The following NRAP variants were observed in gnomAD, a reference collection of about 807,000 sequenced individuals.
NRAP encodes nebulin related anchoring protein.
NRAP carries 189 observed loss-of-function variants against 225.9 expected under a neutral mutation model. The observed-to-expected ratio is 0.84, with a 90% CI of 0.74 to 0.94. The LOEUF is 0.94. Among genes scored for constraint, NRAP ranks in the 40% least tolerant of loss-of-function variants. The pLI is 0.00. For synonymous variants in NRAP, 769 were observed against 790.7 expected (o/e 0.97, Z 0.46); for missense variants, 2,176 against 2,168.7 (o/e 1.00, Z -0.07).
chr10:113,622,045 C>A lies in NRAP; in HGVS notation c.2593G>T (p.Glu865Ter). The A allele has an allele frequency of 6.2e-7, 1 of 1,614,192 alleles. No homozygotes were observed. Among genetic ancestry groups the A allele is most frequent in the Non-Finnish European group, 8.5e-7 (1 of 1,180,032 alleles). Residue 865 changes from glutamate (E) to a stop codon, truncating the protein, a stop_gained, in exon 24 of 42, where the codon GAG becomes TAG. Transcript: ENST00000359988. LOFTEE classifies it high-confidence loss of function. ...ACGTGGCATTGGGATTTGGTGTCCTCGAATCCCTTCTTGTACTCCAGCTCA... is the reference window on the plus strand; with the variant it reads ...ACGTGGCATTGGGATTTGGTGTCCTAGAATCCCTTCTTGTACTCCAGCTCA... Reference protein sequence around the residue: ...QSELEYKKGFEDTKSQCHVSL... With the variant: ...QSELEYKKGF
rs780052678 is a variant in NRAP, at chr10:113,650,184, T to G, written c.784-43A>C. ...ACAAACTCGGTGAATTTGACTCCCA[T>G]GCACAGGAGCCAAAAGAGTAAAAGT... On this transcript the variant is annotated intron_variant, in intron 8 of 41. Transcript: ENST00000359988. 13 of 1,234,162 alleles carry G rather than the reference T, an allele frequency of 1.1e-5. No homozygotes were observed. In the South Asian group the frequency reaches 1.6e-4, roughly 15 times the overall value. The allele number at this position is 1,234,162 out of a possible 1,614,324, so 76.5% of individuals were successfully genotyped here.
chr10:113,649,798 G>A (rs58359219), intron 9 of NRAP, among the ~76,000 whole-genome samples: 4,226 of 152,176 alleles, frequency 0.028, 198 homozygotes, highest in African/African-American at 0.096. Flanking sequence ...CACCATATTG[G>A]TATAAGTCAT....
chr10:113,631,151 G>T (rs975830959), intron 18 of NRAP, among the ~76,000 whole-genome samples: 1 of 152,180 alleles, frequency 6.6e-6, no homozygotes, highest in Non-Finnish European at 1.5e-5. Flanking sequence ...TTTGGTCCAT[G>T]AGGGAGAAAC....
chr10:113,661,884 A>G (rs1179921234), intron 3 of NRAP, among the ~76,000 whole-genome samples: 1 of 152,230 alleles, frequency 6.6e-6, no homozygotes, highest in Non-Finnish European at 1.5e-5. Flanking sequence ...AAAGGTTTTA[A>G]TTTTGTGTAC....
Position 113,647,578 on chromosome 10 carries a change from G to C in NRAP, c.889-551C>G, listed in dbSNP as rs796192560. Among the ~76,000 whole-genome samples the C allele has an allele frequency of 1.5e-4, 5 of 33,768 alleles. 1 individual carries two copies. The highest frequency in any genetic ancestry group is 3.4e-4 in the Non-Finnish European group (4 of 11,776). 22.2% of individuals were successfully genotyped at this position (33,768 alleles called of 152,430 possible). On this transcript the variant is annotated intron_variant, in intron 9 of 41. Coordinates refer to ENST00000359988, the MANE Select transcript of NRAP (RefSeq NM_198060.4). ...CTCCCCCAGTGGTACTGCCTCCCCTGGTGGTACTTCCTCCCCTAGTGGTAC... is the reference window on the plus strand; with the variant it reads ...CTCCCCCAGTGGTACTGCCTCCCCTCGTGGTACTTCCTCCCCTAGTGGTAC...
Position 113,589,695 on chromosome 10 carries a change from C to T in NRAP, c.5059G>A (p.Ala1687Thr), listed in dbSNP as rs370742966. The change falls in exon 41 of 42, where the codon GCA (alanine) becomes ACA (threonine). Residue 1687 changes from alanine to threonine, a missense_variant. Coordinates refer to ENST00000359988, the MANE Select transcript of NRAP (RefSeq NM_198060.4). ...GCTCCCTGGAGACCCAGGCCCCTTGCGTTGGCCAGTTCCGCAGCCCGCCGA... is the reference window on the plus strand; with the variant it reads ...GCTCCCTGGAGACCCAGGCCCCTTGTGTTGGCCAGTTCCGCAGCCCGCCGA... ...MARRAAELANARGLGLQGAYR... is the reference protein window; with the variant it reads ...MARRAAELANTRGLGLQGAYR... 112 of 1,613,964 alleles carry T rather than the reference C, an allele frequency of 6.9e-5. No homozygotes were observed. The highest frequency in any genetic ancestry group is 1.6e-4 in the Middle Eastern group (1 of 6,078).
At chr10:113,662,972 A>G (rs1850779870) in intron 2 of NRAP, among the ~76,000 whole-genome samples, 1 of 152,212 alleles carries the variant, frequency 6.6e-6, no homozygotes, top group South Asian at 2.1e-4. Flanking sequence ...TATAACTGAA[A>G]GCCTAAATTT....
chr10:113,663,270 A>G (rs1850804713), intron 2 of NRAP, 82 bp downstream of exon 2: 3 of 824,336 alleles, frequency 3.6e-6, no homozygotes. Flanking sequence ...ACCCTGGGTT[A>G]TATGATTTGA....
At chr10:113,651,770 A>T (rs779022816) in intron 7 of NRAP, 33 bp downstream of exon 7, 1 of 1,311,870 alleles carries the variant, frequency 7.6e-7, no homozygotes, top group Non-Finnish European at 1.1e-6. Context: ...CCAAATGCCC[A>T]TCAGTGATGG....
At chr10:113,641,527 G>T (rs1849202768) in intron 12 of NRAP, 55 bp from the exon 13 acceptor site, 1 of 1,017,190 alleles carries the variant, frequency 9.8e-7, no homozygotes, top group Non-Finnish European at 1.6e-6. Context: ...AGTAGTTGAA[G>T]ATAAACTACT....
chr10:113,625,587 C>T (rs1042823471), intron 21 of NRAP, among the ~76,000 whole-genome samples: 2 of 152,164 alleles, frequency 1.3e-5, no homozygotes, highest in Non-Finnish European at 2.9e-5. Context: ...CAACTATGGT[C>T]CTCCTTGGTG....
chr10:113,589,642 G>A (rs1437621888), intron 41 of NRAP, 24 bp downstream of exon 41: 2 of 1,544,498 alleles, frequency 1.3e-6, no homozygotes, highest in Non-Finnish European at 1.8e-6. Flanking sequence ...CAAGCCAGGG[G>A]TGGCTTTGCA....
chr10:113,621,732 T>G, intron 24 of NRAP, 137 bp downstream of exon 24: 1 of 731,544 alleles, frequency 1.4e-6, no homozygotes, highest in Non-Finnish European at 2.2e-6. Context: ...CAAAGTAAAG[T>G]GTTGCCACTT....
intron 35 of NRAP, among the ~76,000 whole-genome samples, chr10:113,598,765 T>A (rs1846432281): frequency 6.6e-6 from 1 of 152,238 alleles, no homozygotes; most frequent in Admixed American, 6.5e-5. Context: ...CATGCCTCAG[T>A]TTACCACCTC....
chr10:113,652,547 G>A (rs1850042674), intron 6 of NRAP, among the ~76,000 whole-genome samples: 1 of 151,564 alleles, frequency 6.6e-6, no homozygotes, highest in Non-Finnish European at 1.5e-5. Flanking sequence ...GGGAGGCTGA[G>A]GCAGGAGAAT....
In NRAP at chr10:113,646,914, G is replaced by A. The variant is rs550797333; in HGVS notation, c.993+9C>T. Reference sequence around the variant, plus strand: ...TCTGGCTCTGTGGTCACACCTACATGGTACTTACGTCACTAGCGAGTTCGT... The same window carrying A: ...TCTGGCTCTGTGGTCACACCTACATAGTACTTACGTCACTAGCGAGTTCGT... On this transcript the variant is annotated intron_variant, in intron 10 of 41. Transcript: ENST00000359988. The A allele has an allele frequency of 6.3e-7, 1 of 1,589,956 alleles. No individual in the cohort carries two copies. Among genetic ancestry groups the A allele is most frequent in the South Asian group, 1.1e-5 (1 of 90,660 alleles).
At position 113,592,290 on chromosome 10, in the gene NRAP, T is replaced by A. The variant is rs1846036953; in HGVS notation, c.4548A>T (p.Arg1516Ser). 6.2e-7 allele frequency: 1 copy of A among 1,610,762 alleles called. No individual in the cohort carries two copies. Among genetic ancestry groups the A allele is most frequent in the African/African-American group, 1.3e-5 (1 of 74,952 alleles). Residue 1516 changes from arginine to serine, a missense_variant, in exon 39 of 42, where the codon AGA becomes AGT. Around this residue, in one of 3 missense-constraint regions of NRAP, gnomAD observed 445 missense variants for 426.1 expected, o/e 1.04. Coordinates refer to ENST00000359988, the MANE Select transcript of NRAP (RefSeq NM_198060.4). ...NALHLSDKVY[R>S]NSWEQTRAGS... ...CAGCCCGGGTCTGCTCCCAGGAGTT[T>A]CTGTAGACTTTCTAGATTGGAAAAA...
At chr10:113,648,506 C>A (rs939062453) in intron 9 of NRAP, among the ~76,000 whole-genome samples, 2 of 119,628 alleles carry the variant, frequency 1.7e-5, no homozygotes, top group African/African-American at 3.1e-5. Context: ...AAGTGTTAAT[C>A]TTTTTTCAAG....
At chr10:113,608,319 C>T in intron 32 of NRAP, 95 bp downstream of exon 32, 1 of 742,784 alleles carries the variant, frequency 1.3e-6, no homozygotes, top group Non-Finnish European at 2.3e-6. Context: ...CACATAAACA[C>T]CCATGCTCTT....
Sources: allele counts gnomAD v4.1 joint callset (sites outside exome capture counted in the v4.1 genomes callset), GRCh38; gene constraint gnomAD v4.1.1; regional missense constraint gnomAD v4.1.1; transcripts MANE v1.5; gene names NCBI Gene and HGNC (gene_info 2026-07-23, HGNC 2026-07-21).